Variants in SLC35E2B observed in about 807,000 individuals in gnomAD.
The protein encoded by SLC35E2B is solute carrier family 35, member E2B.
SLC35E2B carries 18 observed loss-of-function variants against 32.4 expected under a neutral mutation model. The observed-to-expected ratio is 0.56, with a 90% CI of 0.38 to 0.82. SLC35E2B has a LOEUF of 0.82. Among genes scored for constraint, SLC35E2B ranks in the 40% least tolerant of loss-of-function variants. The pLI, the probability that SLC35E2B is intolerant of heterozygous loss-of-function variation, is 0.00. For synonymous variants in SLC35E2B, 132 were observed against 209.1 expected (o/e 0.63, Z 3.18); for missense variants, 263 against 469.5 (o/e 0.56, Z 4.06).
rs1315084346 is a variant in SLC35E2B at position 1,665,306 on chromosome 1, C to G, written c.*476G>C. The G allele has an allele frequency of 3.0e-6, 1 of 336,490 alleles. No individual in the cohort carries two copies. The highest frequency in any genetic ancestry group is 4.6e-5 in the East Asian group (1 of 21,568). The allele number at this position is 336,490 out of a possible 1,614,324, so 20.8% of individuals were successfully genotyped here. ...CCCTTCCTTCCAGGGCCCTCTGTCC[C>G]CTCCCTTCGGCCCTGCTCTGTGGCC... On this transcript the variant is annotated 3_prime_UTR_variant, in exon 10 of 10. Coordinates refer to ENST00000617444, the MANE Select transcript of SLC35E2B (RefSeq NM_001290264.2).
rs1247395815 is a variant in SLC35E2B at position 1,669,748 on chromosome 1, A to G, written c.762-12T>C. 1.9e-6 allele frequency: 3 copies of G among 1,548,264 alleles called. No individual in the cohort carries two copies. Among genetic ancestry groups the G allele is most frequent in the East Asian group, 4.9e-5 (2 of 40,892 alleles). On this transcript the variant is annotated splice_polypyrimidine_tract_variant and intron_variant, in intron 7 of 9. Coordinates refer to ENST00000617444, the MANE Select transcript of SLC35E2B (RefSeq NM_001290264.2). ...GCAGCTCCGGGGCCCTGTGGGTGAC[A>G]GAACACGCTGGGCCCCCCGTGTCGG...
In SLC35E2B at chr1:1,662,834, C is replaced by T; in HGVS notation, c.*2948G>A. ...AGCACAGACCACGACCATGGACACA[C>T]CCAGTGGAAGTAACCACACCTGGTG... On this transcript the variant is annotated 3_prime_UTR_variant, in exon 10 of 10. Transcript: ENST00000617444. The T allele has an allele frequency of 4.9e-6, 4 of 820,486 alleles. No individual in the cohort carries two copies. Among genetic ancestry groups the T allele is most frequent in the Non-Finnish European group, 5.9e-6 (4 of 676,824 alleles). The allele number at this position is 820,486 out of a possible 1,614,324, so 50.8% of individuals were successfully genotyped here. A position where few individuals can be genotyped will look rare whatever the true frequency, so the allele number is the denominator to read the frequency against.
At position 1,662,736 on chromosome 1, in the gene SLC35E2B, C is replaced by A; in HGVS notation, c.*3046G>T. On this transcript the variant is annotated 3_prime_UTR_variant, in exon 10 of 10. Transcript: ENST00000617444. Reference sequence around the variant, plus strand: ...GTTTCCTTGAAAGAGAGCTGCAAATCTCTTAAGTATCAACGTAAAGAAGCC... The same window carrying A: ...GTTTCCTTGAAAGAGAGCTGCAAATATCTTAAGTATCAACGTAAAGAAGCC... 1 of 742,096 alleles carries A rather than the reference C, an allele frequency of 1.3e-6. No homozygotes were observed. The highest frequency in any genetic ancestry group is 1.6e-6 in the Non-Finnish European group (1 of 616,868). The allele number at this position is 742,096 out of a possible 1,614,324, so 46.0% of individuals were successfully genotyped here.
rs1421640956 is a variant in SLC35E2B, at chr1:1,665,660, G to A, written c.*122C>T. The A allele has an allele frequency of 6.4e-6, 9 of 1,415,730 alleles. No homozygotes were observed. The highest frequency in any genetic ancestry group is 2.5e-5 in the East Asian group (1 of 39,774). The allele number at this position is 1,415,730 out of a possible 1,614,324, so 87.7% of individuals were successfully genotyped here. The stretch of plus-strand genomic sequence containing the variant: ...TCACCGACAAACCGAGAAAGCCGCA[G>A]GCAATGGCCAACTTAGCTCCCCATG... On this transcript the variant is annotated 3_prime_UTR_variant, in exon 10 of 10. Transcript: ENST00000617444.
At chr1:1,681,330 T>C (rs1423184744) in intron 2 of SLC35E2B, among the ~76,000 whole-genome samples, 1 of 151,960 alleles carries the variant, frequency 6.6e-6, no homozygotes, top group Admixed American at 6.6e-5. Context: ...CTGAAGTAGC[T>C]GGGACTACAG....
At position 1,690,308 on chromosome 1, in the gene SLC35E2B, ATATAT is replaced by A. The variant is rs1161401981; in HGVS notation, c.-148+663_-148+667del. Among the ~76,000 whole-genome samples, 39 of 138,832 alleles carry A rather than the reference ATATAT, an allele frequency of 2.8e-4. 1 individual carries two copies. The highest frequency in any genetic ancestry group is 9.5e-4 in the African/African-American group (36 of 37,918). The allele number at this position is 138,832 out of a possible 152,430, so 91.1% of individuals were successfully genotyped here. ...AAAAAAAAAAAAGAAACAAAAAAAA[ATATAT>A]ATATATATATACATACCATAAAGTG... On this transcript the variant is annotated intron_variant, in intron 2 of 9. Coordinates refer to ENST00000617444, the MANE Select transcript of SLC35E2B (RefSeq NM_001290264.2).
intron 9 of SLC35E2B, 44 bp from the exon 10 acceptor site, chr1:1,666,063 TCTC>T (rs1557749084): frequency 4.6e-6 from 7 of 1,526,484 alleles, no homozygotes; most frequent in Non-Finnish European, 5.3e-6. Context: ...AGGGCTATGG[TCTC>T]CTCAGCCCGT....
intron 2 of SLC35E2B, among the ~76,000 whole-genome samples, chr1:1,688,522 C>T (rs977211881): frequency 5.3e-5 from 8 of 151,670 alleles, no homozygotes; most frequent in African/African-American, 1.5e-4. Context: ...ATCGCTTGAA[C>T]CCAGGAGGTG....
rs1643520935 is a variant in SLC35E2B at position 1,665,592 on chromosome 1, G to T, written c.*190C>A. 5 of 880,772 alleles carry T rather than the reference G, an allele frequency of 5.7e-6. No homozygotes were observed. Among genetic ancestry groups the T allele is most frequent in the Non-Finnish European group, 8.4e-6 (5 of 593,128 alleles). The allele number at this position is 880,772 out of a possible 1,614,324, so 54.6% of individuals were successfully genotyped here. Reference sequence around the variant, plus strand: ...GCTACTGGTCTGGTCTCTACTCCAGGAAGCTGATACCTGGAATCCCCAGTT... The same window carrying T: ...GCTACTGGTCTGGTCTCTACTCCAGTAAGCTGATACCTGGAATCCCCAGTT... On this transcript the variant is annotated 3_prime_UTR_variant, in exon 10 of 10. Transcript: ENST00000617444.
chr1:1,683,561 A>G (rs1313069806), intron 2 of SLC35E2B, among the ~76,000 whole-genome samples: 5 of 152,100 alleles, frequency 3.3e-5, no homozygotes, highest in Non-Finnish European at 5.9e-5. Context: ...TCCGAAGACC[A>G]TCCCACTCTT....
In SLC35E2B at chr1:1,665,865, G is replaced by A. The variant is rs1405456627; in HGVS notation, c.1135C>T (p.Gln379Ter). 1.3e-6 allele frequency: 2 copies of A among 1,550,936 alleles called. No individual in the cohort carries two copies. The highest frequency in any genetic ancestry group is 1.7e-6 in the Non-Finnish European group (2 of 1,147,004). The change falls in exon 10 of 10, where the codon CAG (glutamine) becomes TAG (stop). Residue 379 changes from glutamine to a stop codon, truncating the protein, a stop_gained. Transcript: ENST00000617444. LOFTEE classifies it high-confidence loss of function. ...KARQHQQEAL[Q>*]SLAAATGRAP... ...CGGCCAGTGGCTGCAGCCAGGCTCT[G>A]CAGCGCCTCCTGCTGGTGTTGCCTG...
intron 5 of SLC35E2B, among the ~76,000 whole-genome samples, 157 bp from the exon 6 acceptor site, chr1:1,671,786 A>G (rs1643700026): frequency 6.6e-6 from 1 of 152,232 alleles, no homozygotes; most frequent in Non-Finnish European, 1.5e-5. Context: ...AGATAAAGCA[A>G]ATCAAAGTCC....
At chr1:1,669,628 G>C in intron 8 of SLC35E2B, 36 bp downstream of exon 8, 1 of 1,494,130 alleles carries the variant, frequency 6.7e-7, no homozygotes, top group South Asian at 1.2e-5. Context: ...AGGCAGCCCG[G>C]CAAGTAAGGA....
chr1:1,677,901 G>GGGAAT (rs1245001576), intron 2 of SLC35E2B, among the ~76,000 whole-genome samples: 6 of 151,848 alleles, frequency 4.0e-5, no homozygotes, highest in African/African-American at 9.7e-5. Context: ...GAGGTCCAGT[G>GGGAAT]GGAATCATCC....
chr1:1,686,596 T>C (rs771856334), intron 2 of SLC35E2B, among the ~76,000 whole-genome samples: 2 of 147,658 alleles, frequency 1.4e-5, no homozygotes. Flanking sequence ...TGAAACCCCA[T>C]CCCTAGTAAA....
chr1:1,684,814 A>AG (rs1643932588), intron 2 of SLC35E2B, among the ~76,000 whole-genome samples: 1 of 147,646 alleles, frequency 6.8e-6, no homozygotes, highest in Non-Finnish European at 1.5e-5. Context: ...AAAAAAAAAA[A>AG]CAGGACAGCC....
rs150859196 is a variant in SLC35E2B at position 1,671,925 on chromosome 1, G to A, written c.587-296C>T. ...CAGAAACCTTCCTGATTCTGTGAACGCTCCTGTGAAACGGTGAGTGTGAAG... is the reference window on the plus strand; with the variant it reads ...CAGAAACCTTCCTGATTCTGTGAACACTCCTGTGAAACGGTGAGTGTGAAG... On this transcript the variant is annotated intron_variant, in intron 5 of 9. Transcript: ENST00000617444. The A allele has an allele frequency of 1.0e-3, 250 of 250,548 alleles. 3 individuals carry two copies. Among genetic ancestry groups the A allele is most frequent in the African/African-American group, 5.2e-3 (231 of 44,656 alleles). The allele number at this position is 250,548 out of a possible 1,614,324, so 15.5% of individuals were successfully genotyped here. A position where few individuals can be genotyped will look rare whatever the true frequency, so the allele number is the denominator to read the frequency against.
intron 2 of SLC35E2B, among the ~76,000 whole-genome samples, chr1:1,690,378 T>C (rs1019652006): frequency 2.1e-5 from 3 of 145,518 alleles, no homozygotes; most frequent in African/African-American, 7.6e-5. Context: ...ACTTGCAACA[T>C]GGCAAAGGAT....
At chr1:1,670,000 G>C in intron 7 of SLC35E2B, 98 bp downstream of exon 7, 1 of 1,152,536 alleles carries the variant, frequency 8.7e-7, no homozygotes, top group South Asian at 1.3e-5. Context: ...AGCCAGACAG[G>C]AAGGGAGTCA....
Sources: gnomAD v4.1 joint callset for allele counts (sites outside exome capture counted in the v4.1 genomes callset) on GRCh38, gnomAD v4.1.1 for gene constraint, MANE v1.5 for transcripts, NCBI Gene and HGNC (gene_info 2026-07-23, HGNC 2026-07-21) for gene names.